Variants in CCDC171 observed in about 807,000 individuals in gnomAD.
CCDC171 encodes coiled-coil domain containing 171.
Under a neutral mutation model 168.2 loss-of-function variants are expected in CCDC171, and 177 were observed. The ratio of observed to expected loss-of-function variants is 1.05; its 90% CI spans 0.93 to 1.19. The LOEUF (loss-of-function observed/expected upper bound fraction) is 1.19. Ranked by LOEUF, CCDC171 falls within the 50% of genes most tolerant of loss-of-function variation. The pLI is 0.00. For synonymous variants in CCDC171, 687 were observed against 540.8 expected (o/e 1.27, Z -3.75); for missense variants, 1,991 against 1,539.0 (o/e 1.29, Z -4.91).
downstream of CCDC171, among the ~76,000 whole-genome samples, chr9:15,978,155 G>T (rs752625021): frequency 1.3e-5 from 2 of 152,142 alleles, no homozygotes; most frequent in African/African-American, 4.8e-5. Flanking sequence ...TGACTTTGAT[G>T]TACTACTGAC....
intron 21 of CCDC171, among the ~76,000 whole-genome samples, chr9:15,801,412 A>G (rs1187893147): frequency 6.6e-6 from 1 of 151,614 alleles, no homozygotes; most frequent in Non-Finnish European, 1.5e-5. Flanking sequence ...GTTTTATTTC[A>G]GATTGTTTAC....
chr9:15,721,914 C>A, intron 12 of CCDC171, 39 bp downstream of exon 12: 1 of 1,084,992 alleles, frequency 9.2e-7, no homozygotes, highest in Non-Finnish European at 1.3e-6. Context: ...ATATAGCCTT[C>A]GGCCTGTACC....
chr9:15,755,521 C>T lies in CCDC171; in HGVS notation c.2671+9890C>T, dbSNP rs74962791. ...TGGATACATTTGCAAATGTTCATAGCATCAGTACGCGTGAGTCAAAAAGTG... is the reference window on the plus strand; with the variant it reads ...TGGATACATTTGCAAATGTTCATAGTATCAGTACGCGTGAGTCAAAAAGTG... On this transcript the variant is annotated intron_variant, in intron 18 of 25. Transcript: ENST00000380701. Among the ~76,000 whole-genome samples the T allele has an allele frequency of 9.0e-3, 1,365 of 152,194 alleles. 13 individuals are homozygous for T. Among genetic ancestry groups the T allele is most frequent in the South Asian group, 0.022 (107 of 4,822 alleles).
downstream of CCDC171, among the ~76,000 whole-genome samples, chr9:15,975,667 C>G (rs2132851343): frequency 6.6e-6 from 1 of 152,198 alleles, no homozygotes; most frequent in Non-Finnish European, 1.5e-5. Flanking sequence ...GCTATTACTT[C>G]CCAATGGAAA....
At chr9:16,030,257 A>G (rs1161143755) in intron 6 of CCDC171, among the ~76,000 whole-genome samples, 2 of 152,142 alleles carry the variant, frequency 1.3e-5, no homozygotes, top group African/African-American at 4.8e-5. Context: ...TATATCTAGT[A>G]GTGGTAGCAG....
downstream of CCDC171, among the ~76,000 whole-genome samples, chr9:15,975,901 C>G (rs942531499): frequency 6.6e-5 from 10 of 152,038 alleles, no homozygotes; most frequent in African/African-American, 2.4e-4. Context: ...GGAGATTATC[C>G]TGGATTAGCT....
chr9:15,728,172 T>A, intron 15 of CCDC171, 136 bp downstream of exon 15: 1 of 680,670 alleles, frequency 1.5e-6, no homozygotes, highest in Non-Finnish European at 2.3e-6. Context: ...CCATTAATTA[T>A]GGCTTGTCTA....
intron 25 of CCDC171, among the ~76,000 whole-genome samples, chr9:15,959,312 G>GTCCC (rs1830127163): frequency 6.6e-6 from 1 of 152,044 alleles, no homozygotes. Flanking sequence ...TTCTGCCTAT[G>GTCCC]TCCCACAAAC....
At chr9:16,074,858 G>T in the CCDC171 span, among the ~76,000 whole-genome samples, 2 of 152,182 alleles carry the variant, frequency 1.3e-5, no homozygotes, top group Non-Finnish European at 1.5e-5. Flanking sequence ...ATCCCACTGG[G>T]CCTCATAAGC....
chr9:15,840,019 AC>A (rs546794906), intron 21 of CCDC171, among the ~76,000 whole-genome samples: 2 of 152,244 alleles, frequency 1.3e-5, no homozygotes, highest in South Asian at 4.2e-4. Context: ...TATTTGATTT[AC>A]TTTTATTAAA....
Position 15,729,704 on chromosome 9 carries a change from A to T in CCDC171, c.1955A>T (p.Gln652Leu), listed in dbSNP as rs764680927. The T allele has an allele frequency of 6.2e-7, 1 of 1,613,588 alleles. No homozygotes were observed. Among genetic ancestry groups the T allele is most frequent in the Admixed American group, 1.7e-5 (1 of 59,962 alleles). The change falls in exon 16 of 26, where the codon CAG becomes CTG. Residue 652 changes from glutamine to leucine, a missense_variant. Gln to Leu is a moderately radical substitution (Grantham distance 113). Coordinates refer to ENST00000380701, the MANE Select transcript of CCDC171 (RefSeq NM_173550.4). ...GACACCTTTACCAAAGTGGCAGAAC[A>T]GATCAAAGCCCAAGAGAGCTGCTGG... ...QEDTFTKVAE[Q>L]IKAQESCWHR...
Position 15,973,239 on chromosome 9 carries a change from AT to A in CCDC171, c.*1409del, listed in dbSNP as rs1831508961. ...GACAAAGAGTCTTGATACATAATCT[AT>A]TTTTTATATTATTTTTCATTATGGA... On this transcript the variant is annotated 3_prime_UTR_variant, in exon 26 of 26. Coordinates refer to ENST00000380701, the MANE Select transcript of CCDC171 (RefSeq NM_173550.4). The A allele has an allele frequency of 1.3e-5, 2 of 152,138 alleles. No homozygotes were observed. The highest frequency in any genetic ancestry group is 4.1e-4 in the South Asian group (2 of 4,834). 9.4% of individuals were successfully genotyped at this position (152,138 alleles called of 1,614,324 possible).
At chr9:15,651,440 C>A (rs1266052745) in intron 7 of CCDC171, among the ~76,000 whole-genome samples, 1 of 150,900 alleles carries the variant, frequency 6.6e-6, no homozygotes, top group Non-Finnish European at 1.5e-5. Context: ...GAGATGAGAT[C>A]TCACTTTTTT....
At chr9:16,092,535 C>T in the CCDC171 span, among the ~76,000 whole-genome samples, 129 of 152,306 alleles carry the variant, frequency 8.5e-4, 1 homozygote, top group Admixed American at 2.0e-4. Flanking sequence ...CAGGTGCAGA[C>T]ATTTGCTAAC....
intron 25 of CCDC171, among the ~76,000 whole-genome samples, chr9:15,934,364 TG>T (rs1301587636): frequency 7.7e-6 from 1 of 130,116 alleles, no homozygotes; most frequent in African/African-American, 3.0e-5. Context: ...CACTCCAGCC[TG>T]GGCAACAGTG....
rs2046540655 is a variant in CCDC171 at position 15,640,701 on chromosome 9, C to A, written c.823-16426C>A. 2.0e-5 allele frequency among the ~76,000 whole-genome samples: 3 copies of A among 152,124 alleles called. No homozygotes were observed. The South Asian group carries it at 6.2e-4, about 32-fold the overall frequency. ...TGTTTCTTAACATGTTTGATTAGAA[C>A]AAGGATGATAAATAGTAAAGGGCTT... is the stretch of plus-strand genomic sequence containing the variant. On this transcript the variant is annotated intron_variant, in intron 7 of 25. Coordinates refer to ENST00000380701, the MANE Select transcript of CCDC171 (RefSeq NM_173550.4).
At chr9:15,835,271 T>C (rs1399992159) in intron 21 of CCDC171, among the ~76,000 whole-genome samples, 1 of 152,234 alleles carries the variant, frequency 6.6e-6, no homozygotes, top group Non-Finnish European at 1.5e-5. Flanking sequence ...CATGTATTTG[T>C]ATTTATTTAC....
rs142012345 is a variant in CCDC171 at position 16,021,373 on chromosome 9, A to G, written n.574+579A>G. Among the ~76,000 whole-genome samples the G allele has an allele frequency of 2.1e-3, 314 of 152,372 alleles. 1 individual carries two copies. Among genetic ancestry groups the G allele is most frequent in the Admixed American group, 4.1e-3 (63 of 15,308 alleles). On this transcript the variant is annotated intron_variant and non_coding_transcript_variant, in intron 4 of 9. Coordinates refer to the CCDC171 transcript ENST00000486641. ...AGTGCTGGGATTACAGGTGTGAGCCACCATGCCTGGCCTCAATAAGACAAT... is the reference window on the plus strand; with the variant it reads ...AGTGCTGGGATTACAGGTGTGAGCCGCCATGCCTGGCCTCAATAAGACAAT...
chr9:15,688,243 A>G (rs912916370), intron 10 of CCDC171, among the ~76,000 whole-genome samples: 5 of 152,158 alleles, frequency 3.3e-5, no homozygotes, highest in African/African-American at 1.2e-4. Flanking sequence ...AAACTCCCAC[A>G]AAGAAAAGCC....
Sources: allele counts gnomAD v4.1 joint callset (sites outside exome capture counted in the v4.1 genomes callset), GRCh38; gene constraint gnomAD v4.1.1; transcripts MANE v1.5; gene names NCBI Gene and HGNC (gene_info 2026-07-23, HGNC 2026-07-21).